The following SRGAP3 variants were observed in gnomAD, a reference collection of about 807,000 sequenced individuals.
The protein encoded by SRGAP3 is SLIT-ROBO Rho GTPase-activating protein 3.
In SRGAP3, 39 loss-of-function variants were observed where a neutral mutation model predicts 121.1. The ratio of observed to expected loss-of-function variants is 0.32; its 90% CI spans 0.25 to 0.42. The LOEUF (loss-of-function observed/expected upper bound fraction) is 0.42. Among genes scored for constraint, SRGAP3 ranks in the 10% least tolerant of loss-of-function variants. The pLI, the probability that SRGAP3 is intolerant of heterozygous loss-of-function variation, is 1.00. For missense variants in SRGAP3, 1,213 were observed against 1,470.6 expected (o/e 0.82, Z 2.86); for synonymous variants, 601 against 570.0 (o/e 1.05, Z -0.77).
chr3:8,994,137 G>A (rs918113987), intron 19 of SRGAP3: 3 of 689,310 alleles, frequency 4.4e-6, no homozygotes, highest in Non-Finnish European at 4.9e-6. Context: ...CCGTTTCTGT[G>A]TGCTCAGAAG....
At chr3:9,246,002 G>A (rs1365226216) in intron 1 of SRGAP3, among the ~76,000 whole-genome samples, 1 of 152,182 alleles carries the variant, frequency 6.6e-6, no homozygotes, top group East Asian at 1.9e-4. Flanking sequence ...GAGGTAGTGA[G>A]TTCCCCATCA....
chr3:8,990,137 A>G (rs926209119), intron 21 of SRGAP3, among the ~76,000 whole-genome samples: 1 of 152,244 alleles, frequency 6.6e-6, no homozygotes, highest in Non-Finnish European at 1.5e-5. Context: ...TGCTCAATCA[A>G]TATTTGCCAG....
At chr3:9,084,290 G>A (rs1209959218) in intron 3 of SRGAP3, among the ~76,000 whole-genome samples, 1 of 152,168 alleles carries the variant, frequency 6.6e-6, no homozygotes, top group African/African-American at 2.4e-5. Context: ...GGAAGCTGGA[G>A]GCCATCCCAA....
chr3:9,051,424 T>C (rs1560012017), intron 9 of SRGAP3, among the ~76,000 whole-genome samples: 4 of 152,036 alleles, frequency 2.6e-5, no homozygotes, highest in Admixed American at 2.6e-4. Flanking sequence ...GTGACACAGG[T>C]TTGAGGAGAC....
exon 1 of SRGAP3, chr3:9,363,003 C>T (rs1264500932): frequency 1.3e-5 from 2 of 152,264 alleles, no homozygotes; most frequent in Non-Finnish European, 2.9e-5. Flanking sequence ...GGGAACCCGC[C>T]GCCAGCGCGG....
intron 3 of SRGAP3, among the ~76,000 whole-genome samples, chr3:9,318,866 G>A (rs937848682): frequency 6.6e-6 from 1 of 151,412 alleles, no homozygotes; most frequent in South Asian, 2.1e-4. Flanking sequence ...GTGACAGACT[G>A]AGACCGCATC....
At chr3:9,236,599 A>G (rs1574919605) in intron 1 of SRGAP3, among the ~76,000 whole-genome samples, 1 of 149,868 alleles carries the variant, frequency 6.7e-6, no homozygotes, top group African/African-American at 2.5e-5. Context: ...TCTTCTTCCT[A>G]CTCCTGCCAT....
chr3:9,361,409 G>A (rs554474413), intron 1 of SRGAP3, among the ~76,000 whole-genome samples: 28 of 152,206 alleles, frequency 1.8e-4, no homozygotes, highest in African/African-American at 6.5e-4. Flanking sequence ...CAGCCCCTTT[G>A]CACATTTATA....
chr3:9,233,216 A>G (rs1302275559), intron 1 of SRGAP3, among the ~76,000 whole-genome samples: 1 of 152,232 alleles, frequency 6.6e-6, no homozygotes, highest in African/African-American at 2.4e-5. Flanking sequence ...CACATGAGGA[A>G]ACTGGAACTC....
At chr3:9,049,417 A>G in intron 9 of SRGAP3, 1 of 456,062 alleles carries the variant, frequency 2.2e-6, no homozygotes, top group Non-Finnish European at 4.4e-6. Flanking sequence ...ACGTACGTTT[A>G]AGCCTCATCA....
intron 3 of SRGAP3, among the ~76,000 whole-genome samples, chr3:9,287,877 T>A (rs1463415989): frequency 6.6e-6 from 1 of 152,184 alleles, no homozygotes; most frequent in Admixed American, 6.5e-5. Context: ...CTTTAAGATC[T>A]TTTCTTTGTC....
rs181351335 is a variant in SRGAP3, at chr3:9,342,862, C to T, written n.215-12266G>A. The stretch of plus-strand genomic sequence containing the variant: ...TCATTCGCTTTTATTATTCTCATTT[C>T]CTGTGCCTGTTCTGATTACTTGCAG... On this transcript the variant is annotated intron_variant and non_coding_transcript_variant, in intron 1 of 3. Transcript: ENST00000490889. 2.1e-3 allele frequency among the ~76,000 whole-genome samples: 324 copies of T among 152,336 alleles called. 2 individuals are homozygous for T. The highest frequency in any genetic ancestry group is 0.01 in the Middle Eastern group (3 of 294).
intron 19 of SRGAP3, among the ~76,000 whole-genome samples, chr3:8,993,696 T>C (rs1175089811): frequency 6.6e-6 from 1 of 152,144 alleles, no homozygotes; most frequent in Non-Finnish European, 1.5e-5. Context: ...ACCCCCTCTC[T>C]CCCATCACAA....
At chr3:9,166,222 G>C (rs1027880415) in intron 1 of SRGAP3, among the ~76,000 whole-genome samples, 2 of 152,096 alleles carry the variant, frequency 1.3e-5, no homozygotes, top group Non-Finnish European at 2.9e-5. Flanking sequence ...TTCCCCACTA[G>C]GTCTGAGCTC....
intron 3 of SRGAP3, among the ~76,000 whole-genome samples, chr3:9,322,565 G>C (rs1052480558): frequency 2.0e-5 from 3 of 151,788 alleles, no homozygotes; most frequent in African/African-American, 4.8e-5. Context: ...GCATCGGCGT[G>C]GCATTAGATT....
intron 1 of SRGAP3, among the ~76,000 whole-genome samples, chr3:9,245,917 C>A (rs896303437): frequency 1.3e-5 from 2 of 152,058 alleles, no homozygotes; most frequent in African/African-American, 2.4e-5. Flanking sequence ...CAGAGAGACT[C>A]TGTCACAAAA....
At chr3:9,243,087 C>T (rs553199012) in intron 1 of SRGAP3, among the ~76,000 whole-genome samples, 2 of 152,180 alleles carry the variant, frequency 1.3e-5, no homozygotes, top group Admixed American at 6.5e-5. Context: ...CTCAAGAGTT[C>T]GTGGCCAAAG....
intron 1 of SRGAP3, among the ~76,000 whole-genome samples, chr3:9,347,815 C>A (rs1459432826): frequency 6.6e-6 from 1 of 152,212 alleles, no homozygotes; most frequent in Non-Finnish European, 1.5e-5. Flanking sequence ...ACCAGCCCAA[C>A]TTGCACTTCG....
chr3:9,174,175 G>C (rs1229978117), intron 1 of SRGAP3, among the ~76,000 whole-genome samples: 3 of 152,186 alleles, frequency 2.0e-5, no homozygotes, highest in Non-Finnish European at 4.4e-5. Flanking sequence ...TTCACAGACA[G>C]GGACTAGAGG....
Sources: allele counts gnomAD v4.1 joint callset (sites outside exome capture counted in the v4.1 genomes callset), GRCh38; gene constraint gnomAD v4.1.1; transcripts MANE v1.5; gene names NCBI Gene and HGNC (gene_info 2026-07-23, HGNC 2026-07-21).